DNAH14: variants seen among roughly 807,000 people sequenced by gnomAD.
DNAH14 encodes axonemal beta dynein heavy chain 14.
DNAH14 carries 478 observed loss-of-function variants against 520.9 expected under a neutral mutation model. That is an observed-to-expected ratio of 0.92 (90% confidence interval 0.85 to 0.99). The LOEUF is 0.99. DNAH14 is among the 50% of genes least tolerant of loss of function. DNAH14 has a pLI of 0.00. For synonymous variants in DNAH14, 1,581 were observed against 1,757.2 expected (o/e 0.90, Z 2.51); for missense variants, 4,831 against 5,234.5 (o/e 0.92, Z 2.38).
intron 38 of DNAH14, among the ~76,000 whole-genome samples, chr1:225,199,558 G>T (rs1048261573): frequency 1.3e-5 from 2 of 152,012 alleles, no homozygotes; most frequent in African/African-American, 2.4e-5. Flanking sequence ...TCAGTTCAAA[G>T]AATTTTTAAA....
chr1:224,939,619 G>A (rs1047687241), intron 1 of DNAH14, among the ~76,000 whole-genome samples: 7 of 152,148 alleles, frequency 4.6e-5, no homozygotes, highest in African/African-American at 1.7e-4. Flanking sequence ...GGGAGGTGGA[G>A]CTTGCAGTGA....
At chr1:225,203,725 C>T (rs756081576) in intron 38 of DNAH14, among the ~76,000 whole-genome samples, 3 of 152,112 alleles carry the variant, frequency 2.0e-5, no homozygotes, top group African/African-American at 7.2e-5. Flanking sequence ...TCATCCCAAA[C>T]CTATTCAATT....
At chr1:225,243,312 A>G (rs1295348005) in intron 43 of DNAH14, among the ~76,000 whole-genome samples, 1 of 152,150 alleles carries the variant, frequency 6.6e-6, no homozygotes, top group Admixed American at 6.5e-5. Context: ...GAGGGTAAAA[A>G]GGGAAGGAAA....
chr1:225,192,171 CAT>C (rs2085526662), intron 37 of DNAH14, among the ~76,000 whole-genome samples: 2 of 152,064 alleles, frequency 1.3e-5, no homozygotes, highest in African/African-American at 4.8e-5. Context: ...TATGGTCTGT[CAT>C]ATGTTTCTAC....
At chr1:225,395,943 C>G (rs533701578) in intron 84 of DNAH14, 1 of 152,238 alleles carries the variant, frequency 6.6e-6, no homozygotes, top group Admixed American at 6.5e-5. Flanking sequence ...AAGGATGGAA[C>G]TGGGAGAGTT....
At chr1:225,257,885 G>C in intron 44 of DNAH14, 75 bp from the exon 45 acceptor site, 4 of 1,080,362 alleles carry the variant, frequency 3.7e-6, no homozygotes, top group Non-Finnish European at 5.1e-6. Context: ...TAATCCTAAT[G>C]ACAAAAAAAA....
At chr1:225,277,834 A>G (rs2093525870) in intron 54 of DNAH14, among the ~76,000 whole-genome samples, 1 of 152,218 alleles carries the variant, frequency 6.6e-6, no homozygotes, top group Non-Finnish European at 1.5e-5. Context: ...GAGCTTTTGC[A>G]CAATGTTTTG....
intron 17 of DNAH14, among the ~76,000 whole-genome samples, chr1:225,056,513 G>A (rs2069119654): frequency 6.6e-6 from 1 of 152,100 alleles, no homozygotes; most frequent in South Asian, 2.1e-4. Flanking sequence ...TTCTTTTGCT[G>A]TGCAAAAGCT....
chr1:225,312,819 T>G (rs2094395186), intron 60 of DNAH14, among the ~76,000 whole-genome samples: 1 of 152,238 alleles, frequency 6.6e-6, no homozygotes, highest in African/African-American at 2.4e-5. Flanking sequence ...GGATAAGCTT[T>G]TTAATGTGCT....
chr1:225,080,418 T>C lies in DNAH14; in HGVS notation c.2806T>C (p.Ser936Pro). The C allele has an allele frequency of 6.5e-7, 1 of 1,549,730 alleles. No individual in the cohort carries two copies. The highest frequency in any genetic ancestry group is 1.2e-5 in the South Asian group (1 of 83,544). The change falls in exon 19 of 86, where the codon TCA (serine) becomes CCA (proline). Residue 936 changes from serine to proline, a missense_variant. Ser to Pro is a moderately conservative substitution (Grantham distance 74, BLOSUM62 -1). Transcript: ENST00000682510. ...PLLLCAGTQV[S>P]TAMEMIQTLS... The stretch of plus-strand genomic sequence containing the variant: ...TCTGTTATGTGCTGGTACTCAAGTG[T>C]CAACAGCAATGGAAATGATCCAGAC...
chr1:225,324,651 C>A, intron 63 of DNAH14, 86 bp from the exon 64 acceptor site: 2 of 1,217,184 alleles, frequency 1.6e-6, no homozygotes, highest in Non-Finnish European at 2.3e-6. Flanking sequence ...ACAATTGACT[C>A]TGTAAATGTC....
intron 3 of DNAH14, among the ~76,000 whole-genome samples, chr1:224,958,004 G>T (rs1212377181): frequency 2.0e-5 from 3 of 152,096 alleles, no homozygotes; most frequent in Non-Finnish European, 2.9e-5. Flanking sequence ...ACAAAATGTG[G>T]AAAGGATTGG....
chr1:225,078,859 C>CTCTCT (rs2072720564), intron 17 of DNAH14, among the ~76,000 whole-genome samples: 4 of 18,998 alleles, frequency 2.1e-4, no homozygotes, highest in Admixed American at 6.8e-4. Context: ...TCTCTCTCTC[C>CTCTCT]CTCTCTCTCT....
At chr1:225,133,843 C>T (rs1003774638) in intron 27 of DNAH14, among the ~76,000 whole-genome samples, 5 of 151,878 alleles carry the variant, frequency 3.3e-5, no homozygotes, top group African/African-American at 1.2e-4. Context: ...GATACTGATT[C>T]TTCCTATCCA....
intron 8 of DNAH14, among the ~76,000 whole-genome samples, chr1:224,977,110 T>C (rs576767312): frequency 4.0e-5 from 6 of 151,822 alleles, no homozygotes; most frequent in African/African-American, 1.2e-4. Flanking sequence ...AATGATAGAC[T>C]GGATTAAGAA....
chr1:225,127,424 A>G (rs2077856020), intron 27 of DNAH14, among the ~76,000 whole-genome samples: 1 of 152,018 alleles, frequency 6.6e-6, no homozygotes, highest in African/African-American at 2.4e-5. Flanking sequence ...TAGGATAGTT[A>G]GCTCTTCTTG....
intron 48 of DNAH14, among the ~76,000 whole-genome samples, chr1:225,266,097 G>A (rs2093106594): frequency 6.6e-6 from 1 of 152,052 alleles, no homozygotes; most frequent in South Asian, 2.1e-4. Flanking sequence ...TTCAAAGGTG[G>A]ACATTAACAC....
chr1:225,095,378 C>T (rs2074862013), intron 21 of DNAH14, among the ~76,000 whole-genome samples: 1 of 152,058 alleles, frequency 6.6e-6, no homozygotes, highest in Non-Finnish European at 1.5e-5. Context: ...GGTCATTTTC[C>T]TAAGCAAACT....
intron 27 of DNAH14, among the ~76,000 whole-genome samples, chr1:225,131,698 C>T (rs1485093414): frequency 6.6e-6 from 1 of 152,136 alleles, no homozygotes; most frequent in African/African-American, 2.4e-5. Context: ...CATTATTCTG[C>T]CTACTACATG....
Sources: allele counts gnomAD v4.1 joint callset (sites outside exome capture counted in the v4.1 genomes callset), GRCh38; gene constraint gnomAD v4.1.1; transcripts MANE v1.5; gene names NCBI Gene and HGNC (gene_info 2026-07-23, HGNC 2026-07-21).